The following SV2C variants were observed in gnomAD, a reference collection of about 807,000 sequenced individuals.
SV2C encodes solute carrier family 22 member B3.
Under a neutral mutation model 79.7 loss-of-function variants are expected in SV2C, and 49 were observed. The observed-to-expected ratio is 0.61, with a 90% CI of 0.49 to 0.78. SV2C has a LOEUF of 0.78. Ranked by LOEUF, SV2C falls within the 30% of genes least tolerant of loss-of-function variation. SV2C has a pLI of 0.00. For missense variants in SV2C, 833 were observed against 912.9 expected, an observed-to-expected ratio of 0.91 and a Z score of 1.13; for synonymous variants, 334 against 333.2, an observed-to-expected ratio of 1.00 and a Z score of -0.03.
the SV2C span, among the ~76,000 whole-genome samples, chr5:75,859,681 G>A: frequency 1.3e-5 from 2 of 152,106 alleles, no homozygotes; most frequent in Admixed American, 6.5e-5. Context: ...TCCACAGGTT[G>A]CTCGGGGAAA....
the SV2C span, among the ~76,000 whole-genome samples, chr5:76,041,060 G>A: frequency 0.11 from 16,770 of 152,016 alleles, 1,092 homozygotes; most frequent in Non-Finnish European, 0.15. Context: ...GAAGGGAGAG[G>A]GCAGGTCTAG....
chr5:76,048,048 T>G, the SV2C span, among the ~76,000 whole-genome samples: 531 of 152,312 alleles, frequency 3.5e-3, no homozygotes, highest in Middle Eastern at 0.01. Flanking sequence ...TATTAATTAG[T>G]AAGATTTTGT....
the SV2C span, among the ~76,000 whole-genome samples, chr5:75,898,253 A>T: frequency 6.6e-6 from 1 of 152,164 alleles, no homozygotes; most frequent in Non-Finnish European, 1.5e-5. Context: ...ATCAATATCT[A>T]TTTTATTGAG....
At chr5:76,097,646 C>A (rs1561213962) in intron 1 of SV2C, among the ~76,000 whole-genome samples, 1 of 152,106 alleles carries the variant, frequency 6.6e-6, no homozygotes, top group African/African-American at 2.4e-5. Flanking sequence ...ATTATAATAT[C>A]TATGAATATT....
intron 4 of SV2C, among the ~76,000 whole-genome samples, chr5:76,250,898 C>A (rs1221287258): frequency 6.6e-6 from 1 of 151,956 alleles, no homozygotes; most frequent in African/African-American, 2.4e-5. Flanking sequence ...CCCTTGCCTA[C>A]AAGAAGGGCA....
chr5:76,000,255 C>T, the SV2C span, among the ~76,000 whole-genome samples: 1 of 152,056 alleles, frequency 6.6e-6, no homozygotes, highest in Admixed American at 6.6e-5. Flanking sequence ...TTCCCAGGTA[C>T]CCACCCCTAC....
At chr5:76,053,347 T>C in the SV2C span, among the ~76,000 whole-genome samples, 115 of 149,972 alleles carry the variant, frequency 7.7e-4, no homozygotes, top group Middle Eastern at 7.0e-3. Context: ...AAGGGAAATA[T>C]ATTTTTAGTC....
the SV2C span, among the ~76,000 whole-genome samples, chr5:76,001,854 A>G: frequency 6.6e-6 from 1 of 152,114 alleles, no homozygotes; most frequent in African/African-American, 2.4e-5. Context: ...AGTTGCATGG[A>G]TGAGGTCTTC....
intron 12 of SV2C, among the ~76,000 whole-genome samples, chr5:76,313,743 A>G (rs1748532870): frequency 6.6e-6 from 1 of 152,138 alleles, no homozygotes; most frequent in Non-Finnish European, 1.5e-5. Flanking sequence ...GTACCATTTC[A>G]CCAACTTGAG....
the SV2C span, among the ~76,000 whole-genome samples, chr5:75,900,793 C>G: frequency 6.6e-6 from 1 of 152,034 alleles, no homozygotes; most frequent in Non-Finnish European, 1.5e-5. Context: ...TCTTTTTATT[C>G]TTTTTTCTCT....
At chr5:76,171,428 C>T (rs1219382940) in intron 2 of SV2C, among the ~76,000 whole-genome samples, 55 of 96,810 alleles carry the variant, frequency 5.7e-4, no homozygotes, top group African/African-American at 1.9e-3. Context: ...TCTGCCCGGC[C>T]GAGACCCCGT....
chr5:75,920,806 C>T, the SV2C span: 2 of 772,906 alleles, frequency 2.6e-6, no homozygotes, highest in Non-Finnish European at 4.8e-6. Flanking sequence ...AGGGACTTGC[C>T]AGGCGAGACG....
At chr5:76,098,211 G>A (rs984816910) in intron 1 of SV2C, among the ~76,000 whole-genome samples, 1 of 152,182 alleles carries the variant, frequency 6.6e-6, no homozygotes, top group African/African-American at 2.4e-5. Flanking sequence ...AGTGTTTCCT[G>A]TGGGAGTCCC....
At chr5:75,864,473 T>G in the SV2C span, among the ~76,000 whole-genome samples, 1 of 152,098 alleles carries the variant, frequency 6.6e-6, no homozygotes, top group Non-Finnish European at 1.5e-5. Context: ...GAGACAGAAT[T>G]TTTCTGCCGA....
At chr5:76,091,189 G>A (rs1321455755) in intron 1 of SV2C, among the ~76,000 whole-genome samples, 1 of 152,172 alleles carries the variant, frequency 6.6e-6, no homozygotes, top group Non-Finnish European at 1.5e-5. Flanking sequence ...CAATTTAAGT[G>A]TAAAGTCTAT....
chr5:76,267,884 G>A (rs1746716994), intron 4 of SV2C, among the ~76,000 whole-genome samples: 1 of 152,234 alleles, frequency 6.6e-6, no homozygotes, highest in African/African-American at 2.4e-5. Flanking sequence ...CAGTAGGACT[G>A]AAGCTGTGTT....
At chr5:76,286,519 T>G (rs566908530) in intron 6 of SV2C, among the ~76,000 whole-genome samples, 1 of 152,096 alleles carries the variant, frequency 6.6e-6, no homozygotes. Flanking sequence ...ATGGTAAAAT[T>G]ATTTATTGAA....
chr5:75,963,032 A>G, the SV2C span, among the ~76,000 whole-genome samples: 4 of 152,232 alleles, frequency 2.6e-5, no homozygotes, highest in Admixed American at 2.0e-4. Context: ...GTGACTTACA[A>G]TAAAAAAAAA....
the SV2C span, among the ~76,000 whole-genome samples, chr5:76,025,422 G>A: frequency 6.6e-6 from 1 of 152,120 alleles, no homozygotes; most frequent in African/African-American, 2.4e-5. Context: ...CTGCTGGGCT[G>A]TTTATTCGTA....
Sources: gnomAD v4.1 joint callset for allele counts (sites outside exome capture counted in the v4.1 genomes callset) on GRCh38, gnomAD v4.1.1 for gene constraint, MANE v1.5 for transcripts, NCBI Gene and HGNC (gene_info 2026-07-23, HGNC 2026-07-21) for gene names.